Variants in FRZB observed in about 807,000 individuals in gnomAD.
FRZB encodes secreted frizzled-related protein 3.
FRZB carries 34 observed loss-of-function variants against 32.5 expected under a neutral mutation model. The observed-to-expected ratio is 1.05, with a 90% CI of 0.80 to 1.39. FRZB has a LOEUF of 1.39. Among genes scored for constraint, FRZB ranks in the 40% most tolerant of loss-of-function variants. The pLI, the probability that FRZB is intolerant of heterozygous loss-of-function variation, is 0.00. For synonymous variants in FRZB, 170 were observed against 159.2 expected (o/e 1.07, Z -0.51); for missense variants, 423 against 424.8 (o/e 1.00, Z 0.04).
chr2:182,836,943 C>T (rs774263658), intron 5 of FRZB, among the ~76,000 whole-genome samples: 3 of 152,008 alleles, frequency 2.0e-5, no homozygotes, highest in Non-Finnish European at 4.4e-5. Flanking sequence ...TAAACCCAAA[C>T]GTGTCTGCCG....
intron 2 of FRZB, among the ~76,000 whole-genome samples, chr2:182,842,870 A>G (rs1695601026): frequency 1.3e-5 from 2 of 152,208 alleles, no homozygotes; most frequent in East Asian, 1.9e-4. Flanking sequence ...TTATGGAAGT[A>G]TTAATATTAT....
At chr2:182,838,663 A>G (rs1435113542) in intron 3 of FRZB, 50 bp from the exon 4 acceptor site, 1 of 1,494,226 alleles carries the variant, frequency 6.7e-7, no homozygotes, top group Non-Finnish European at 9.2e-7. Flanking sequence ...CATAATAGCT[A>G]CCCCATTCAA....
At chr2:182,845,420 A>T (rs1462945904) in intron 2 of FRZB, among the ~76,000 whole-genome samples, 1 of 152,202 alleles carries the variant, frequency 6.6e-6, no homozygotes. Flanking sequence ...TCCTAATGGC[A>T]CAAGTTTTTT....
intron 2 of FRZB, among the ~76,000 whole-genome samples, chr2:182,843,446 A>G (rs1695606508): frequency 6.6e-6 from 1 of 152,196 alleles, no homozygotes; most frequent in Admixed American, 6.5e-5. Context: ...TCAATATAAA[A>G]GTAGAAAATA....
At chr2:182,854,077 G>T (rs536027713) in intron 2 of FRZB, among the ~76,000 whole-genome samples, 5 of 152,266 alleles carry the variant, frequency 3.3e-5, no homozygotes, top group East Asian at 1.9e-4. Flanking sequence ...TTTATATAAA[G>T]TTCAAGATCA....
In FRZB at chr2:182,835,071, T is replaced by C. The variant is rs1189835363; in HGVS notation, c.862-106A>G. The C allele has an allele frequency of 2.0e-5, 16 of 786,370 alleles. 1 individual carries two copies. Among genetic ancestry groups the C allele is most frequent in the African/African-American group, 1.6e-4 (9 of 57,948 alleles). The allele number at this position is 786,370 out of a possible 1,614,324, so 48.7% of individuals were successfully genotyped here. On this transcript the variant is annotated intron_variant, in intron 5 of 5. Coordinates refer to ENST00000295113, the MANE Select transcript of FRZB (RefSeq NM_001463.4). ...ACTGCAAGTTCAGATCTCTGAAGCA[T>C]TTTGCTACTTTTCCAAAAGTATCAA...
At chr2:182,835,891 C>A (rs998604809) in intron 5 of FRZB, among the ~76,000 whole-genome samples, 1 of 152,056 alleles carries the variant, frequency 6.6e-6, no homozygotes, top group Non-Finnish European at 1.5e-5. Context: ...CTAACTCCAC[C>A]ACTTACTGTG....
intron 1 of FRZB, among the ~76,000 whole-genome samples, chr2:182,860,104 TG>T (rs1387995918): frequency 6.6e-6 from 1 of 152,216 alleles, no homozygotes; most frequent in Non-Finnish European, 1.5e-5. Flanking sequence ...AAACTTTGCT[TG>T]GTGAAAGGGA....
intron 5 of FRZB, 80 bp downstream of exon 5, chr2:182,837,868 T>C: frequency 9.3e-7 from 1 of 1,073,110 alleles, no homozygotes; most frequent in Non-Finnish European, 1.4e-6. Flanking sequence ...GGCAGCTATT[T>C]CATTTCAATG....
At chr2:182,865,601 T>C (rs1296321346) in intron 1 of FRZB, among the ~76,000 whole-genome samples, 2 of 152,232 alleles carry the variant, frequency 1.3e-5, no homozygotes, top group African/African-American at 4.8e-5. Flanking sequence ...TTCAGTTTTC[T>C]GTTTCCTCCA....
intron 2 of FRZB, among the ~76,000 whole-genome samples, chr2:182,848,551 C>T (rs141546801): frequency 6.6e-6 from 1 of 152,176 alleles, no homozygotes; most frequent in South Asian, 2.1e-4. Context: ...GTTCCTAGGG[C>T]ATTAACAAAC....
chr2:182,851,128 C>T (rs891192844), intron 2 of FRZB, among the ~76,000 whole-genome samples: 5 of 152,180 alleles, frequency 3.3e-5, no homozygotes, highest in Non-Finnish European at 5.9e-5. Flanking sequence ...GGTTATTAAG[C>T]TCTTGCCAGA....
intron 5 of FRZB, among the ~76,000 whole-genome samples, chr2:182,836,145 C>T (rs761579400): frequency 1.1e-4 from 16 of 152,042 alleles, no homozygotes; most frequent in Admixed American, 5.2e-4. Context: ...GAAGTCCAAA[C>T]ATCTTGAATC....
At chr2:182,848,513 CTT>C (rs1450654238) in intron 2 of FRZB, among the ~76,000 whole-genome samples, 2 of 152,128 alleles carry the variant, frequency 1.3e-5, no homozygotes, top group African/African-American at 4.8e-5. Context: ...CAAATGGACA[CTT>C]AATGGAAAAC....
intron 3 of FRZB, among the ~76,000 whole-genome samples, chr2:182,841,446 A>AT (rs958968112): frequency 6.6e-6 from 1 of 152,156 alleles, no homozygotes; most frequent in Non-Finnish European, 1.5e-5. Context: ...GTGTACATAA[A>AT]TGTAATAATA....
At chr2:182,848,224 T>C (rs546310401) in intron 2 of FRZB, among the ~76,000 whole-genome samples, 29 of 152,170 alleles carry the variant, frequency 1.9e-4, no homozygotes, top group African/African-American at 4.6e-4. Context: ...CTCATGGAAG[T>C]GAGTGGCTGG....
At chr2:182,855,942 C>A (rs1021586426) in intron 2 of FRZB, among the ~76,000 whole-genome samples, 1 of 152,084 alleles carries the variant, frequency 6.6e-6, no homozygotes, top group African/African-American at 2.4e-5. Context: ...ATTTGCAAGA[C>A]TGCCAATTTC....
intron 1 of FRZB, among the ~76,000 whole-genome samples, chr2:182,861,140 G>C (rs1369804651): frequency 6.6e-6 from 1 of 152,192 alleles, no homozygotes; most frequent in South Asian, 2.1e-4. Context: ...CCATAGATAA[G>C]TGTACTTCAA....
rs1290356366 is a variant in FRZB, at chr2:182,835,418, G to GA, written c.862-454dup. Among the ~76,000 whole-genome samples, 10 of 148,198 alleles carry GA rather than the reference G, an allele frequency of 6.7e-5. No individual in the cohort carries two copies. In the East Asian group the frequency reaches 1.2e-3, roughly 18 times the overall value. ...TTAAAGTCTATGTGATTTGAGCAGT[G>GA]AAAAAAAAATGGAAATTTTTTTGAG... On this transcript the variant is annotated intron_variant, in intron 5 of 5. Coordinates refer to ENST00000295113, the MANE Select transcript of FRZB (RefSeq NM_001463.4).
Sources: allele counts gnomAD v4.1 joint callset (sites outside exome capture counted in the v4.1 genomes callset), GRCh38; gene constraint gnomAD v4.1.1; transcripts MANE v1.5; gene names NCBI Gene and HGNC (gene_info 2026-07-23, HGNC 2026-07-21).